LRRC23: variants seen among roughly 807,000 people sequenced by gnomAD.
The protein encoded by LRRC23 is leucine rich repeat containing 23.
LRRC23 carries 28 observed loss-of-function variants against 37.7 expected under a neutral mutation model. That is an observed-to-expected ratio of 0.74 (90% CI 0.55 to 1.02). The LOEUF (loss-of-function observed/expected upper bound fraction) is 1.02. LRRC23 is among the 50% of genes least tolerant of loss of function. The pLI is 0.00. For missense variants in LRRC23, 377 were observed against 413.2 expected (o/e 0.91, Z 0.76); for synonymous variants, 161 against 165.4 (o/e 0.97, Z 0.20).
At position 6,905,572 on chromosome 12, in the gene LRRC23, C is replaced by A; in HGVS notation, c.-49-13C>A. The A allele has an allele frequency of 6.4e-7, 1 of 1,571,542 alleles. No homozygotes were observed. The highest frequency in any genetic ancestry group is 2.2e-5 in the East Asian group (1 of 44,498). On this transcript the variant is annotated splice_polypyrimidine_tract_variant and intron_variant, in intron 1 of 7. Transcript: ENST00000443597. ...TGAAGGCTGGCAGAAGCTGATGAGA[C>A]CTTCTTTTTCAGGAGGAGGACTGAG...
chr12:6,910,111 C>G, intron 6 of LRRC23, 85 bp downstream of exon 6: 1 of 1,332,196 alleles, frequency 7.5e-7, no homozygotes, highest in African/African-American at 1.5e-5. Context: ...GGCCCAATCC[C>G]CCAGTCCTAG....
chr12:6,908,900 GAA>G (rs1490564284), intron 5 of LRRC23, among the ~76,000 whole-genome samples: 5 of 142,336 alleles, frequency 3.5e-5, no homozygotes, highest in Non-Finnish European at 7.5e-5. Flanking sequence ...TGGAGCAGGT[GAA>G]AAGACGGCTG....
rs1390443903 is a variant in LRRC23, at chr12:6,912,751, G to A, written c.780G>A (p.Leu260=). 1 of 1,613,974 alleles carries A rather than the reference G, an allele frequency of 6.2e-7. No individual in the cohort carries two copies. Among genetic ancestry groups the A allele is most frequent in the Non-Finnish European group, 8.5e-7 (1 of 1,179,998 alleles). The change falls in exon 7 of 8, where the codon CTG becomes CTA. Residue 260 remains leucine (L), a synonymous_variant. Transcript: ENST00000443597. Reference sequence around the variant, plus strand: ...GCAGGGGCAACATGGTGGCCAACCTGGGGGAGCTGGCCAAGCTTCGAGACC... The same window carrying A: ...GCAGGGGCAACATGGTGGCCAACCTAGGGGAGCTGGCCAAGCTTCGAGACC... The part of the protein sequence containing the change: ...LNLRGNMVAN[L]GELAKLRDLP...
chr12:6,909,532 T>C (rs896909014), intron 5 of LRRC23, among the ~76,000 whole-genome samples: 1 of 121,358 alleles, frequency 8.2e-6, no homozygotes, highest in African/African-American at 3.6e-5. Flanking sequence ...AGGAAGCCAC[T>C]GAAATATTTA....
At chr12:6,910,748 TATTAA>T (rs1233685027) in intron 6 of LRRC23, among the ~76,000 whole-genome samples, 1 of 151,318 alleles carries the variant, frequency 6.6e-6, no homozygotes, top group Admixed American at 6.6e-5. Context: ...AAAATTAAAA[TATTAA>T]ATTAAAAATA....
chr12:6,907,502 G>A, intron 5 of LRRC23, 57 bp downstream of exon 5: 1 of 1,576,004 alleles, frequency 6.3e-7, no homozygotes, highest in Non-Finnish European at 8.7e-7. Flanking sequence ...TGGGGGTCAG[G>A]ATGCCTGCTT....
At chr12:6,906,080 C>A in intron 3 of LRRC23, 126 bp downstream of exon 3, 1 of 856,550 alleles carries the variant, frequency 1.2e-6, no homozygotes, top group Non-Finnish European at 1.8e-6. Context: ...AAGGGAAGGA[C>A]AGAATTTACT....
Position 6,910,029 on chromosome 12 carries a change from A to C in LRRC23, c.758+3A>C. 6.2e-7 allele frequency: 1 copy of C among 1,607,128 alleles called. No homozygotes were observed. Among genetic ancestry groups the C allele is most frequent in the Non-Finnish European group, 8.5e-7 (1 of 1,176,680 alleles). On this transcript the variant is annotated splice_donor_region_variant and intron_variant, in intron 6 of 7. Coordinates refer to ENST00000443597, the MANE Select transcript of LRRC23 (RefSeq NM_001135217.2). ...TCATTGCAGTACCTCAACCTGAGGT[A>C]TGCACCCTCTCCAAGCCCCACCTTG...
rs1237826155 is a variant in LRRC23 at position 6,906,502 on chromosome 12, C to G, written c.330C>G (p.Asn110Lys). Residue 110 changes from asparagine (N) to lysine (K), a missense_variant, in exon 4 of 8, where the codon AAC becomes AAG. This residue lies in a region of LRRC23 where 266 missense variants were observed against 285.6 expected (regional missense o/e 0.93). Transcript: ENST00000443597. ...ACCTGACAGACCTGTCTCCACTCAA[C>G]TACCTCACCCACCTGCTCTGGCTCA... ...ENHLTDLSPLNYLTHLLWLKA... is the reference protein window; with the variant it reads ...ENHLTDLSPLKYLTHLLWLKA... 1.9e-6 allele frequency: 3 copies of G among 1,614,106 alleles called. No individual in the cohort carries two copies. The Admixed American group carries it at 5.0e-5, about 27-fold the overall frequency.
In LRRC23 at chr12:6,905,652, C is replaced by A. The variant is rs782453986; in HGVS notation, c.19C>A (p.Leu7Ile). MSDEDD[L>I]EDSEPDQDDS... ...AAGAAAGATGTCAGATGAAGATGAT[C>A]TAGAAGACTCTGAGCCAGACCAGGA... is the stretch of plus-strand genomic sequence containing the variant. The change falls in exon 2 of 8, where the codon CTA (leucine) becomes ATA (isoleucine). Residue 7 changes from leucine to isoleucine, a missense_variant. Leu to Ile is a conservative substitution (Grantham distance 5). Transcript: ENST00000443597. 1 of 1,613,706 alleles carries A rather than the reference C, an allele frequency of 6.2e-7. No homozygotes were observed. The highest frequency in any genetic ancestry group is 1.1e-5 in the South Asian group (1 of 91,044).
chr12:6,907,815 G>C, intron 5 of LRRC23: 1 of 432,198 alleles, frequency 2.3e-6, no homozygotes, highest in Non-Finnish European at 4.3e-6. Context: ...GGGACCAAAG[G>C]TGTGGGGGTT....
intron 7 of LRRC23, among the ~76,000 whole-genome samples, chr12:6,913,559 T>G (rs1288705501): frequency 3.3e-4 from 34 of 103,918 alleles, no homozygotes; most frequent in South Asian, 1.9e-3. Context: ...CTGTTTGTTT[T>G]TTTTTTTTTT....
chr12:6,913,555 G>GTTTTTTTTT lies in LRRC23; in HGVS notation c.*25-316_*25-308dup, dbSNP rs869177982. Among the ~76,000 whole-genome samples, 48 of 76,388 alleles carry GTTTTTTTTT rather than the reference G, an allele frequency of 6.3e-4. 2 individuals are homozygous for GTTTTTTTTT. The highest frequency in any genetic ancestry group is 1.4e-3 in the East Asian group (3 of 2,124). The allele number at this position is 76,388 out of a possible 152,430, so 50.1% of individuals were successfully genotyped here. A position where few individuals can be genotyped will look rare whatever the true frequency, so the allele number is the denominator to read the frequency against. Reference sequence around the variant, plus strand: ...GGAGAGGCTTTATTTACCTCTGTTTGTTTTTTTTTTTTTTTTTTTTTTTTT... The same window carrying GTTTTTTTTT: ...GGAGAGGCTTTATTTACCTCTGTTTGTTTTTTTTTTTTTTTTTTTTTTTTTTTTTTTTTT... On this transcript the variant is annotated intron_variant, in intron 7 of 7. Transcript: ENST00000443597.
chr12:6,909,083 A>ATG (rs1367807312), intron 5 of LRRC23, among the ~76,000 whole-genome samples: 2 of 40,628 alleles, frequency 4.9e-5, no homozygotes, highest in Non-Finnish European at 7.0e-5. Flanking sequence ...TATATATTAT[A>ATG]TAATTATATA....
rs1591646739 is a variant in LRRC23 at position 6,913,040 on chromosome 12, G to T, written c.*24+13G>T. ...GCCTCTAAAGATAGTAAGGAAGCCT[G>T]CAGGGAGGCAGTGGGAGGAGGCCAA... is the stretch of plus-strand genomic sequence containing the variant. On this transcript the variant is annotated intron_variant, in intron 7 of 7. Coordinates refer to ENST00000443597, the MANE Select transcript of LRRC23 (RefSeq NM_001135217.2). 1.2e-6 allele frequency: 2 copies of T among 1,606,272 alleles called. No individual in the cohort carries two copies. Among genetic ancestry groups the T allele is most frequent in the Non-Finnish European group, 8.5e-7 (1 of 1,175,052 alleles).
rs782340284 is a variant in LRRC23 at position 6,913,988 on chromosome 12, C to T, written c.*122C>T. The T allele has an allele frequency of 2.5e-6, 4 of 1,613,896 alleles. No individual in the cohort carries two copies. In the South Asian group the frequency reaches 4.4e-5, roughly 18 times the overall value. On this transcript the variant is annotated 3_prime_UTR_variant, in exon 8 of 8. Transcript: ENST00000443597. ...GAGGATGCCTGTTTTTGCCCCAAAG[C>T]TGGAAATTCATCACAACCTGAGGCC...
intron 6 of LRRC23, 51 bp from the exon 7 acceptor site, chr12:6,912,679 G>A: frequency 6.5e-7 from 1 of 1,550,076 alleles, no homozygotes; most frequent in African/African-American, 1.4e-5. Flanking sequence ...CTAGCAACTG[G>A]CAACCAAAGC....
chr12:6,911,168 G>C (rs957816616), intron 6 of LRRC23, among the ~76,000 whole-genome samples: 2 of 152,098 alleles, frequency 1.3e-5, no homozygotes, highest in Admixed American at 1.3e-4. Flanking sequence ...AAAATCTTTT[G>C]GTAGAAAGGC....
At chr12:6,910,856 G>A (rs187555889) in intron 6 of LRRC23, among the ~76,000 whole-genome samples, 26 of 152,280 alleles carry the variant, frequency 1.7e-4, no homozygotes, top group Admixed American at 1.6e-3. Flanking sequence ...GTTCAAGGTT[G>A]CAGTGAGCCA....
Sources: allele counts gnomAD v4.1 joint callset (sites outside exome capture counted in the v4.1 genomes callset), GRCh38; gene constraint gnomAD v4.1.1; regional missense constraint gnomAD v4.1.1; transcripts MANE v1.5; gene names NCBI Gene and HGNC (gene_info 2026-07-23, HGNC 2026-07-21).